CTNNA2: variants seen among roughly 807,000 people sequenced by gnomAD.
The protein encoded by CTNNA2 is catenin alpha 2.
In CTNNA2, 42 loss-of-function variants were observed where a neutral mutation model predicts 101.0. The ratio of observed to expected loss-of-function variants is 0.42; its 90% CI spans 0.32 to 0.54. CTNNA2 has a LOEUF of 0.54. Ranked by LOEUF, CTNNA2 falls within the 20% of genes least tolerant of loss-of-function variation. The pLI is 0.14. For synonymous variants in CTNNA2, 450 were observed against 456.4 expected (o/e 0.99, Z 0.18); for missense variants, 871 against 1,223.1 (o/e 0.71, Z 4.29).
At chr2:80,200,261 T>C (rs899184936) in intron 7 of CTNNA2, among the ~76,000 whole-genome samples, 16 of 152,198 alleles carry the variant, frequency 1.1e-4, no homozygotes, top group African/African-American at 3.9e-4. Flanking sequence ...GTTATTCCCT[T>C]TCTATAGATG....
intron 3 of CTNNA2, among the ~76,000 whole-genome samples, chr2:79,788,935 C>T (rs1318894471): frequency 6.6e-6 from 1 of 152,180 alleles, no homozygotes; most frequent in Non-Finnish European, 1.5e-5. Flanking sequence ...TTGTTTCTTG[C>T]TCTCAAAGAG....
At chr2:79,781,829 T>G (rs1674451727) in intron 3 of CTNNA2, among the ~76,000 whole-genome samples, 2 of 152,128 alleles carry the variant, frequency 1.3e-5, no homozygotes, top group South Asian at 4.1e-4. Context: ...AAGTAGTTAG[T>G]CCAAAATCAT....
At chr2:79,752,487 A>G (rs1484924707) in intron 3 of CTNNA2, among the ~76,000 whole-genome samples, 5 of 152,232 alleles carry the variant, frequency 3.3e-5, no homozygotes, top group Non-Finnish European at 7.3e-5. Context: ...CAATAGCTAA[A>G]TGAAAAGAAA....
intron 7 of CTNNA2, among the ~76,000 whole-genome samples, chr2:79,926,116 C>T (rs1221496866): frequency 3.9e-5 from 6 of 152,056 alleles, no homozygotes; most frequent in African/African-American, 7.2e-5. Context: ...AAAATCTCTT[C>T]GAATTAATGA....
chr2:80,195,324 A>G (rs1706761173), intron 7 of CTNNA2, among the ~76,000 whole-genome samples: 1 of 152,198 alleles, frequency 6.6e-6, no homozygotes, highest in African/African-American at 2.4e-5. Context: ...AAATATTAGC[A>G]TTGTAAATTT....
chr2:80,451,693 A>G (rs1170905550), intron 9 of CTNNA2, among the ~76,000 whole-genome samples: 1 of 152,194 alleles, frequency 6.6e-6, no homozygotes, highest in Non-Finnish European at 1.5e-5. Flanking sequence ...GCAATAATTC[A>G]AATATGATTT....
At chr2:79,485,640 G>A (rs1671150261) in intron 4 of CTNNA2, among the ~76,000 whole-genome samples, 1 of 152,184 alleles carries the variant, frequency 6.6e-6, no homozygotes, top group Admixed American at 6.5e-5. Context: ...AACTCTGACT[G>A]CCACACAGTT....
At chr2:79,537,481 C>G (rs1673143833) in intron 1 of CTNNA2, among the ~76,000 whole-genome samples, 1 of 152,102 alleles carries the variant, frequency 6.6e-6, no homozygotes, top group Admixed American at 6.5e-5. Context: ...TCTGCATTTT[C>G]CAGTTATGGT....
At chr2:79,384,358 A>C (rs1032077022) in intron 4 of CTNNA2, among the ~76,000 whole-genome samples, 3 of 144,162 alleles carry the variant, frequency 2.1e-5, no homozygotes, top group Non-Finnish European at 4.5e-5. Flanking sequence ...TTTCCCTGGT[A>C]ATTTGAATGC....
intron 1 of CTNNA2, among the ~76,000 whole-genome samples, chr2:79,193,069 T>G (rs1424450352): frequency 6.6e-6 from 1 of 152,194 alleles, no homozygotes; most frequent in African/African-American, 2.4e-5. Context: ...CAACATTTAG[T>G]ACTGCTTTGT....
chr2:79,674,076 G>A (rs187797298), intron 2 of CTNNA2, among the ~76,000 whole-genome samples: 1 of 152,294 alleles, frequency 6.6e-6, no homozygotes, highest in East Asian at 1.9e-4. Flanking sequence ...CTGAATTTCT[G>A]ATTCAGTAGG....
chr2:80,155,423 G>A (rs940147723), intron 7 of CTNNA2, among the ~76,000 whole-genome samples: 2 of 152,212 alleles, frequency 1.3e-5, no homozygotes, highest in South Asian at 2.1e-4. Context: ...AACAAATGGA[G>A]TAATTAATGA....
At chr2:80,504,448 T>C (rs1688114425) in intron 9 of CTNNA2, among the ~76,000 whole-genome samples, 2 of 152,160 alleles carry the variant, frequency 1.3e-5, no homozygotes, top group South Asian at 2.1e-4. Flanking sequence ...AACCTCAACA[T>C]GGGAATGACA....
chr2:79,870,366 G>T (rs1574183698), intron 5 of CTNNA2, among the ~76,000 whole-genome samples: 1 of 151,882 alleles, frequency 6.6e-6, no homozygotes, highest in Non-Finnish European at 1.5e-5. Flanking sequence ...AGTATGTGGG[G>T]TGAAATTTTT....
chr2:80,020,916 A>T (rs1333278551), intron 7 of CTNNA2, among the ~76,000 whole-genome samples: 1 of 147,808 alleles, frequency 6.8e-6, no homozygotes, highest in Non-Finnish European at 1.5e-5. Context: ...AAGTGAGATG[A>T]CCTCCTCAGT....
At chr2:79,618,526 G>T (rs17017349) in intron 1 of CTNNA2, among the ~76,000 whole-genome samples, 16,564 of 152,114 alleles carry the variant, frequency 0.11, 1,319 homozygotes, top group African/African-American at 0.23. Flanking sequence ...ATAAGCCTCT[G>T]AAGCTCTGGA....
intron 4 of CTNNA2, among the ~76,000 whole-genome samples, chr2:79,375,788 G>T (rs756695604): frequency 1.3e-5 from 2 of 152,000 alleles, no homozygotes; most frequent in African/African-American, 4.8e-5. Flanking sequence ...CAAACATGCC[G>T]GTGCAAAGCC....
At chr2:80,369,078 C>A (rs1451786858) in intron 7 of CTNNA2, among the ~76,000 whole-genome samples, 1 of 151,994 alleles carries the variant, frequency 6.6e-6, no homozygotes, top group African/African-American at 2.4e-5. Flanking sequence ...AGTTTATTTT[C>A]ACTATATAGA....
intron 12 of CTNNA2, among the ~76,000 whole-genome samples, chr2:80,559,878 T>TTATATATATATATTTATATATATATA (rs1471163982): frequency 3.5e-5 from 4 of 113,936 alleles, no homozygotes; most frequent in Non-Finnish European, 6.2e-5. Context: ...GATATCATAT[T>TTATATATATATATTTATATATATATA]TATATATATA....
Sources: gnomAD v4.1 joint callset for allele counts (sites outside exome capture counted in the v4.1 genomes callset) on GRCh38, gnomAD v4.1.1 for gene constraint, MANE v1.5 for transcripts, NCBI Gene and HGNC (gene_info 2026-07-23, HGNC 2026-07-21) for gene names.